CLSTN2: variants seen among roughly 807,000 people sequenced by gnomAD.
CLSTN2 encodes calsyntenin 2.
A neutral mutation model predicts 101.2 loss-of-function variants in CLSTN2; 48 were observed. That is an observed-to-expected ratio of 0.47 (90% CI 0.38 to 0.60). CLSTN2 has a LOEUF of 0.60. CLSTN2 is among the 20% of genes least tolerant of loss of function. The pLI is 0.00. For synonymous variants in CLSTN2, 481 were observed against 463.6 expected, an observed-to-expected ratio of 1.04 and a Z score of -0.48; for missense variants, 1,160 against 1,238.2, an observed-to-expected ratio of 0.94 and a Z score of 0.95.
chr3:140,305,111 T>C (rs2107912542), intron 2 of CLSTN2, among the ~76,000 whole-genome samples: 1 of 151,940 alleles, frequency 6.6e-6, no homozygotes, highest in South Asian at 2.1e-4. Context: ...TGATACTCTC[T>C]CTCTTCCTCC....
chr3:140,313,381 G>A (rs572278642), intron 2 of CLSTN2, among the ~76,000 whole-genome samples: 2 of 152,276 alleles, frequency 1.3e-5, no homozygotes, highest in East Asian at 1.9e-4. Flanking sequence ...TACCCTGACA[G>A]GAGGCTAAAA....
intron 2 of CLSTN2, among the ~76,000 whole-genome samples, chr3:140,285,311 G>A (rs2086885560): frequency 6.6e-6 from 1 of 151,842 alleles, no homozygotes; most frequent in South Asian, 2.1e-4. Flanking sequence ...GTGTAGACTG[G>A]GCTTTCAAGT....
intron 1 of CLSTN2, among the ~76,000 whole-genome samples, chr3:140,058,718 G>T (rs1454867262): frequency 6.6e-6 from 1 of 151,918 alleles, no homozygotes; most frequent in African/African-American, 2.4e-5. Flanking sequence ...TTTTGTGCTG[G>T]ACTGACTCTG....
intron 5 of CLSTN2, among the ~76,000 whole-genome samples, chr3:140,435,188 C>G (rs923499585): frequency 2.0e-5 from 3 of 152,112 alleles, no homozygotes; most frequent in Non-Finnish European, 4.4e-5. Context: ...TATCCATTAA[C>G]CATCCCCACC....
chr3:140,544,734 C>A (rs555713356), intron 9 of CLSTN2, among the ~76,000 whole-genome samples: 4 of 151,670 alleles, frequency 2.6e-5, no homozygotes. Flanking sequence ...TGGAGTAGGG[C>A]TCCAGGCAGA....
At position 140,421,172 on chromosome 3, in the gene CLSTN2, T is replaced by C. The variant is rs1457042231; in HGVS notation, c.685T>C (p.Tyr229His). 6.2e-7 allele frequency: 1 copy of C among 1,613,908 alleles called. No homozygotes were observed. Among genetic ancestry groups the C allele is most frequent in the Non-Finnish European group, 8.5e-7 (1 of 1,179,802 alleles). ...EKLSYDKQHQ[Y>H]EILVTAYDCG... ...GCTGAGCTATGACAAACAACACCAGTATGAGATCCTGGTGACCGCCTACGA... is the reference window on the plus strand; with the variant it reads ...GCTGAGCTATGACAAACAACACCAGCATGAGATCCTGGTGACCGCCTACGA... Residue 229 changes from tyrosine to histidine, a missense_variant, in exon 5 of 17, where the codon TAT (tyrosine) becomes CAT (histidine). Tyr to His is a moderately conservative substitution (Grantham distance 83, BLOSUM62 2). Transcript: ENST00000458420.
At chr3:139,970,889 A>T (rs180749031) in intron 1 of CLSTN2, among the ~76,000 whole-genome samples, 1 of 152,324 alleles carries the variant, frequency 6.6e-6, no homozygotes, top group Admixed American at 6.5e-5. Context: ...TGGTGACAAG[A>T]TCCACTGTGA....
At chr3:140,497,952 C>A (rs1030006671) in intron 8 of CLSTN2, among the ~76,000 whole-genome samples, 4 of 152,160 alleles carry the variant, frequency 2.6e-5, no homozygotes, top group African/African-American at 7.2e-5. Context: ...GGCTCTGCAC[C>A]ACTCCAGGGT....
intron 1 of CLSTN2, among the ~76,000 whole-genome samples, chr3:140,112,111 G>C (rs1291819174): frequency 6.6e-6 from 1 of 152,156 alleles, no homozygotes; most frequent in Non-Finnish European, 1.5e-5. Context: ...TCATTCTGTT[G>C]AAACCAAAAT....
At chr3:140,175,775 C>T (rs2010313747) in intron 1 of CLSTN2, among the ~76,000 whole-genome samples, 176 bp from the exon 2 acceptor site, 1 of 152,146 alleles carries the variant, frequency 6.6e-6, no homozygotes, top group African/African-American at 2.4e-5. Flanking sequence ...TGAACCTCTT[C>T]CCGCACTTCT....
chr3:140,490,009 T>TATATATATACACACACAC (rs1559884815), intron 8 of CLSTN2, among the ~76,000 whole-genome samples: 2 of 282 alleles, frequency 7.1e-3, no homozygotes, highest in African/African-American at 0.012. Context: ...AAAAAAGAAG[T>TATATATATACACACACAC]ACATGTGTGT....
intron 1 of CLSTN2, among the ~76,000 whole-genome samples, chr3:140,107,759 A>G (rs548748222): frequency 1.3e-5 from 2 of 152,232 alleles, no homozygotes; most frequent in East Asian, 3.9e-4. Context: ...ATCACTCTCT[A>G]AAGCTGCTTC....
intron 8 of CLSTN2, among the ~76,000 whole-genome samples, chr3:140,480,101 C>T (rs993169043): frequency 2.0e-5 from 3 of 151,592 alleles, no homozygotes; most frequent in African/African-American, 4.9e-5. Context: ...ATCCCTCCCC[C>T]AACCCCACAA....
intron 2 of CLSTN2, among the ~76,000 whole-genome samples, chr3:140,357,255 G>A (rs892618523): frequency 6.6e-5 from 10 of 152,120 alleles, no homozygotes; most frequent in Non-Finnish European, 1.3e-4. Flanking sequence ...ATTCATTATA[G>A]CCCACGAATC....
chr3:140,265,386 C>T (rs1224261628), intron 2 of CLSTN2, among the ~76,000 whole-genome samples: 2 of 152,144 alleles, frequency 1.3e-5, no homozygotes, highest in African/African-American at 2.4e-5. Context: ...AGAGAGAAGG[C>T]ATGACCTAAC....
intron 2 of CLSTN2, among the ~76,000 whole-genome samples, chr3:140,269,220 C>A (rs560554271): frequency 6.6e-6 from 1 of 152,170 alleles, no homozygotes; most frequent in Non-Finnish European, 1.5e-5. Context: ...TGGTACCTTG[C>A]TCAGTTTCTT....
At position 140,454,969 on chromosome 3, in the gene CLSTN2, C is replaced by T. The variant is rs374181718; in HGVS notation, c.974-4552C>T. On this transcript the variant is annotated intron_variant, in intron 6 of 16. Coordinates refer to ENST00000458420, the MANE Select transcript of CLSTN2 (RefSeq NM_022131.3). ...TACGGCACTTGTCAAGAGGGCCTCC[C>T]TCACTTCCCCTGAGATTCTACATCA... Among the ~76,000 whole-genome samples, 45 of 147,254 alleles carry T rather than the reference C, an allele frequency of 3.1e-4. No homozygotes were observed. The East Asian group carries it at 7.5e-3, about 25-fold the overall frequency.
intron 1 of CLSTN2, among the ~76,000 whole-genome samples, chr3:139,950,494 G>C (rs1221482894): frequency 1.3e-5 from 2 of 152,180 alleles, no homozygotes; most frequent in Non-Finnish European, 2.9e-5. Context: ...TCTGGCTCTA[G>C]TGGAAATAAC....
At chr3:140,457,882 G>A (rs567883166) in intron 6 of CLSTN2, among the ~76,000 whole-genome samples, 2 of 152,316 alleles carry the variant, frequency 1.3e-5, no homozygotes, top group East Asian at 3.9e-4. Flanking sequence ...ACTACAGCAT[G>A]AGCATGAATT....
Sources: allele counts gnomAD v4.1 joint callset (sites outside exome capture counted in the v4.1 genomes callset), GRCh38; gene constraint gnomAD v4.1.1; transcripts MANE v1.5; gene names NCBI Gene and HGNC (gene_info 2026-07-23, HGNC 2026-07-21).